BHMT: variants seen among roughly 807,000 people sequenced by gnomAD.
BHMT encodes betaine--homocysteine S-methyltransferase 1.
A neutral mutation model predicts 49.5 loss-of-function variants in BHMT; 38 were observed. That is an observed-to-expected ratio of 0.77 (90% CI 0.59 to 1.01). The LOEUF is 1.01. BHMT is among the 50% of genes least tolerant of loss of function. The pLI is 0.00. For synonymous variants in BHMT, 166 were observed against 176.3 expected, an observed-to-expected ratio of 0.94 and a Z score of 0.46; for missense variants, 426 against 495.7, an observed-to-expected ratio of 0.86 and a Z score of 1.34.
chr5:79,130,153 G>A (rs1349584601), intron 7 of BHMT, among the ~76,000 whole-genome samples: 2 of 152,024 alleles, frequency 1.3e-5, no homozygotes, highest in Non-Finnish European at 2.9e-5. Context: ...CAGACAGGGT[G>A]ACAGAGTAAG....
chr5:79,131,035 C>G lies in BHMT; in HGVS notation c.1140C>G (p.Ala380=), dbSNP rs201314996. Residue 380 remains alanine, a synonymous_variant, in exon 8 of 8, where the codon GCC becomes GCG. Coordinates refer to ENST00000274353, the MANE Select transcript of BHMT (RefSeq NM_001713.3). ...GCTGGGGAGTGACCAAAGGAACAGC[C>G]GAGCTGATGCAGCAGAAAGAAGCCA... ...PDGWGVTKGT[A]ELMQQKEATT... 2 of 1,613,792 alleles carry G rather than the reference C, an allele frequency of 1.2e-6. No individual in the cohort carries two copies. The highest frequency in any genetic ancestry group is 4.5e-5 in the East Asian group (2 of 44,836).
intron 5 of BHMT, among the ~76,000 whole-genome samples, chr5:79,123,170 A>G (rs1756498568): frequency 6.6e-6 from 1 of 152,180 alleles, no homozygotes; most frequent in African/African-American, 2.4e-5. Flanking sequence ...TACTGCTGAG[A>G]GCTTCAGTGA....
chr5:79,115,749 C>A lies in BHMT; in HGVS notation c.34-18C>A, dbSNP rs1281030580. On this transcript the variant is annotated intron_variant, in intron 1 of 7. Transcript: ENST00000274353. ...AACACTCAAGTAACTCCTTTTCCTC[C>A]CTCATCTGTAATTTTAGGGCATCCT... 6.3e-7 allele frequency: 1 copy of A among 1,579,202 alleles called. No homozygotes were observed. Among genetic ancestry groups the A allele is most frequent in the Non-Finnish European group, 8.6e-7 (1 of 1,162,950 alleles).
At position 79,115,082 on chromosome 5, in the gene BHMT, T is replaced by C. The variant is rs140470876; in HGVS notation, c.34-685T>C. Among the ~76,000 whole-genome samples the C allele has an allele frequency of 3.9e-5, 6 of 152,292 alleles. No homozygotes were observed. The East Asian group carries it at 1.2e-3, about 29-fold the overall frequency. ...GTGCACACTCATAACCTGGACTGTA[T>C]AGCATAGCTACTGTTGTGGAAACTG... On this transcript the variant is annotated intron_variant, in intron 1 of 7. Transcript: ENST00000274353.
intron 4 of BHMT, among the ~76,000 whole-genome samples, chr5:79,120,888 C>T (rs1208207759): frequency 6.6e-6 from 1 of 152,114 alleles, no homozygotes; most frequent in Non-Finnish European, 1.5e-5. Flanking sequence ...CACGGTGGCT[C>T]ACACCTGTAA....
At chr5:79,114,440 T>C (rs1046537133) in intron 1 of BHMT, among the ~76,000 whole-genome samples, 1 of 152,032 alleles carries the variant, frequency 6.6e-6, no homozygotes, top group Non-Finnish European at 1.5e-5. Context: ...GAAGGGGCAG[T>C]GGAGGGGAAG....
intron 2 of BHMT, among the ~76,000 whole-genome samples, chr5:79,116,693 T>C (rs1466374283): frequency 1.3e-5 from 2 of 152,222 alleles, no homozygotes; most frequent in Non-Finnish European, 2.9e-5. Flanking sequence ...TCTATAAGGC[T>C]AATCTCCAAC....
In BHMT at chr5:79,111,848, C is replaced by T. The variant is rs1756304759; in HGVS notation, c.-38C>T. On this transcript the variant is annotated 5_prime_UTR_variant, in exon 1 of 8. Transcript: ENST00000274353. ...CAGCGGGAAGGCTCGCCTAGTCGGT[C>T]CGCATCCGTGTCGACCACCTGTCTG... 1.9e-6 allele frequency: 3 copies of T among 1,611,076 alleles called. No homozygotes were observed. Among genetic ancestry groups the T allele is most frequent in the East Asian group, 4.5e-5 (2 of 44,648 alleles).
In BHMT at chr5:79,126,155, G is replaced by A. The variant is rs1183750028; in HGVS notation, c.735G>A (p.Met245Ile). The change falls in exon 6 of 8, where the codon ATG (methionine) becomes ATA (isoleucine). Residue 245 changes from methionine (M) to isoleucine (I), a missense_variant. Transcript: ENST00000274353. ...LEAARLKAHL[M>I]SQPLAYHTPD... is the part of the protein sequence containing the mutation. ...CTGCCCGACTGAAAGCTCACCTGAT[G>A]AGCCAGCCCTTGGCTTACCACACTC... 1.2e-6 allele frequency: 2 copies of A among 1,613,742 alleles called. No homozygotes were observed. Among genetic ancestry groups the A allele is most frequent in the Admixed American group, 3.3e-5 (2 of 60,024 alleles).
Position 79,120,382 on chromosome 5 carries a change from C to T in BHMT, c.318C>T (p.Ile106=), listed in dbSNP as rs199624450. The change falls in exon 4 of 8, where the codon ATC becomes ATT. Residue 106 remains isoleucine (I), a synonymous_variant. Coordinates refer to ENST00000274353, the MANE Select transcript of BHMT (RefSeq NM_001713.3). ...AAGTCAATGAAGCTGCTTGCGACATCGCCCGACAAGTGGCTGATGAAGGAG... is the reference window on the plus strand; with the variant it reads ...AAGTCAATGAAGCTGCTTGCGACATTGCCCGACAAGTGGCTGATGAAGGAG... The part of the protein sequence containing the change: ...GQEVNEAACD[I]ARQVADEGDA... 1.2e-5 allele frequency: 20 copies of T among 1,613,386 alleles called. No homozygotes were observed. The highest frequency in any genetic ancestry group is 6.7e-5 in the African/African-American group (5 of 75,030).
In BHMT at chr5:79,112,139, G is replaced by A. The variant is rs560447342; in HGVS notation, c.33+221G>A. 1.3e-4 allele frequency among the ~76,000 whole-genome samples: 20 copies of A among 152,066 alleles called. No homozygotes were observed. In the East Asian group the frequency reaches 3.9e-3, roughly 30 times the overall value. On this transcript the variant is annotated intron_variant, in intron 1 of 7. Transcript: ENST00000274353. ...CCCACTCCTGCCCCACGTTCAGAGC[G>A]CGCCCCCAGAGCGCCTCTGTCCCCT...
intron 5 of BHMT, among the ~76,000 whole-genome samples, chr5:79,125,693 T>C (rs754247726): frequency 6.6e-6 from 1 of 151,804 alleles, no homozygotes; most frequent in Non-Finnish European, 1.5e-5. Context: ...ATCCCAGCAG[T>C]CTGGGAAGCT....
chr5:79,131,935 C>T lies in BHMT; in HGVS notation c.*819C>T, dbSNP rs894848467. 5 of 152,150 alleles carry T rather than the reference C, an allele frequency of 3.3e-5. No individual in the cohort carries two copies. The highest frequency in any genetic ancestry group is 4.8e-5 in the African/African-American group (2 of 41,408). The allele number at this position is 152,150 out of a possible 1,614,324, so 9.4% of individuals were successfully genotyped here. ...GGGGAGGAGAGATGGATATTTCAGCCCTCTCCATCCTAGTCAACACTGGAT... is the reference window on the plus strand; with the variant it reads ...GGGGAGGAGAGATGGATATTTCAGCTCTCTCCATCCTAGTCAACACTGGAT... On this transcript the variant is annotated 3_prime_UTR_variant, in exon 8 of 8. Coordinates refer to ENST00000274353, the MANE Select transcript of BHMT (RefSeq NM_001713.3).
At chr5:79,113,682 T>C (rs1432930292) in intron 1 of BHMT, among the ~76,000 whole-genome samples, 1 of 152,248 alleles carries the variant, frequency 6.6e-6, no homozygotes, top group East Asian at 1.9e-4. Flanking sequence ...ATATTACATA[T>C]ACTGTTTTGT....
In BHMT at chr5:79,126,078, G is replaced by C. The variant is rs1756548088; in HGVS notation, c.658G>C (p.Asp220His). 6.2e-7 allele frequency: 1 copy of C among 1,609,388 alleles called. No individual in the cohort carries two copies. Among genetic ancestry groups the C allele is most frequent in the Admixed American group, 1.7e-5 (1 of 59,940 alleles). ...ASIIGVNCHF[D>H]PTISLKTVKL... is the part of the protein sequence containing the mutation. ...CATCATTGGTGTGAACTGCCACTTT[G>C]ACCCCACCATTAGTTTAAAAACAGT... is the stretch of plus-strand genomic sequence containing the variant. The change falls in exon 6 of 8, where the codon GAC (aspartate) becomes CAC (histidine). Residue 220 changes from aspartate (D) to histidine (H), a missense_variant. By Grantham distance (81) the Asp-to-His change is moderately conservative. This residue lies in a region of BHMT where 321 missense variants were observed against 355.9 expected (regional missense o/e 0.90). Coordinates refer to ENST00000274353, the MANE Select transcript of BHMT (RefSeq NM_001713.3).
chr5:79,120,164 A>G (rs1756444901), intron 3 of BHMT, 186 bp from the exon 4 acceptor site: 1 of 510,340 alleles, frequency 2.0e-6, no homozygotes, highest in Non-Finnish European at 3.4e-6. Context: ...TGTTACTATC[A>G]CTATTATTAG....
intron 5 of BHMT, among the ~76,000 whole-genome samples, chr5:79,125,007 T>A (rs1756528455): frequency 6.6e-6 from 1 of 152,172 alleles, no homozygotes; most frequent in Admixed American, 6.5e-5. Flanking sequence ...AAAGGAATAT[T>A]TATTTACACC....
rs1257032075 is a variant in BHMT, at chr5:79,131,570, C to A, written c.*454C>A. On this transcript the variant is annotated 3_prime_UTR_variant, in exon 8 of 8. Transcript: ENST00000274353. ...GTAACAAACACAATTTATATAATGA[C>A]CCAGCAAAACACATCACATCTTACT... The A allele has an allele frequency of 6.5e-6, 1 of 152,706 alleles. No homozygotes were observed. Among genetic ancestry groups the A allele is most frequent in the East Asian group, 1.9e-4 (1 of 5,214 alleles). The allele number at this position is 152,706 out of a possible 1,614,324, so 9.5% of individuals were successfully genotyped here.
intron 3 of BHMT, chr5:79,120,131 T>G (rs1192699114): frequency 1.2e-5 from 5 of 425,504 alleles, no homozygotes; most frequent in Non-Finnish European, 2.0e-5. Flanking sequence ...TTTGGTACAA[T>G]GTAATGTCAT....
Sources: allele counts gnomAD v4.1 joint callset (sites outside exome capture counted in the v4.1 genomes callset), GRCh38; gene constraint gnomAD v4.1.1; regional missense constraint gnomAD v4.1.1; transcripts MANE v1.5; gene names NCBI Gene and HGNC (gene_info 2026-07-23, HGNC 2026-07-21).